UNC79: variants seen among roughly 807,000 people sequenced by gnomAD.
The protein encoded by UNC79 is protein unc-79 homolog.
In UNC79, 37 loss-of-function variants were observed where a neutral mutation model predicts 283.1. The ratio of observed to expected loss-of-function variants is 0.13; its 90% confidence interval spans 0.10 to 0.17. The LOEUF (loss-of-function observed/expected upper bound fraction) is 0.17. Ranked by LOEUF, UNC79 falls within the 10% of genes least tolerant of loss-of-function variation. The pLI is 1.00. For missense variants in UNC79, 2,272 were observed against 3,211.1 expected (o/e 0.71, Z 7.07); for synonymous variants, 1,107 against 1,200.2 (o/e 0.92, Z 1.61).
At chr14:93,558,592 G>GGTTTTTTTTTT (rs2062330921) in intron 14 of UNC79, among the ~76,000 whole-genome samples, 1 of 90,034 alleles carries the variant, frequency 1.1e-5, no homozygotes, top group African/African-American at 5.3e-5. Flanking sequence ...GAGAAACAGG[G>GGTTTTTTTTTT]ATTTTTTTTT....
intron 31 of UNC79, 145 bp downstream of exon 33, chr14:93,631,053 C>A: frequency 1.3e-6 from 1 of 750,892 alleles, no homozygotes; most frequent in Non-Finnish European, 2.2e-6. Flanking sequence ...GTTGTATATT[C>A]TCAGAGACCC....
chr14:93,602,227 C>T (rs552481882), intron 25 of UNC79, among the ~76,000 whole-genome samples: 23 of 152,224 alleles, frequency 1.5e-4, no homozygotes, highest in Middle Eastern at 6.8e-3. Context: ...AGAATTTTTA[C>T]GGTTTCAGAT....
intron 14 of UNC79, among the ~76,000 whole-genome samples, chr14:93,555,401 CT>C (rs994850178): frequency 4.6e-5 from 7 of 151,660 alleles, no homozygotes; most frequent in African/African-American, 1.7e-4. Flanking sequence ...GATTTTCTTC[CT>C]TTTTTTTAAA....
At chr14:93,606,844 C>A (rs2065923030) in intron 26 of UNC79, among the ~76,000 whole-genome samples, 1 of 152,166 alleles carries the variant, frequency 6.6e-6, no homozygotes, top group Non-Finnish European at 1.5e-5. Flanking sequence ...CTTTTCAAAT[C>A]AAAGGCTTTG....
chr14:93,622,115 G>A (rs1273153282), exon 30 of UNC79: 2 of 1,614,082 alleles, frequency 1.2e-6, no homozygotes, highest in Admixed American at 1.7e-5. Context: ...CTCAACCTCC[G>A]ACAGCGACTC....
intron 40 of UNC79, among the ~76,000 whole-genome samples, chr14:93,671,389 G>A (rs2072835528): frequency 6.6e-6 from 1 of 152,136 alleles, no homozygotes; most frequent in Admixed American, 6.6e-5. Context: ...AGCTGTTTCT[G>A]TGATATTTAT....
At position 93,659,175 on chromosome 14, in the gene UNC79, T is replaced by G. The variant is rs774118248; in HGVS notation, c.6457-18T>G. 4.5e-5 allele frequency: 72 copies of G among 1,585,302 alleles called. No homozygotes were observed. The highest frequency in any genetic ancestry group is 6.8e-5 in the African/African-American group (5 of 73,800). On this transcript the variant is annotated intron_variant, in intron 38 of 48. Coordinates refer to ENST00000555664, the Ensembl canonical transcript of UNC79. The stretch of plus-strand genomic sequence containing the variant: ...AAGGTGGAAACTAATTTTTACTTTT[T>G]TTCATATTTATTCACAGTGTTCTTT...
intron 1 of UNC79, among the ~76,000 whole-genome samples, chr14:93,349,546 C>T (rs11626995): frequency 0.16 from 24,431 of 152,070 alleles, 2,140 homozygotes; most frequent in East Asian, 0.31. Context: ...GTTTTGATTT[C>T]CCAATAACAA....
At chr14:93,423,062 CAAAAAA>C (rs71129634) in intron 1 of UNC79, among the ~76,000 whole-genome samples, 3 of 77,302 alleles carry the variant, frequency 3.9e-5, no homozygotes, top group African/African-American at 1.1e-4. Context: ...GACTCTGTCT[CAAAAAA>C]AAAAAAAAAA....
At chr14:93,385,329 T>C (rs574313413) in intron 1 of UNC79, among the ~76,000 whole-genome samples, 90 of 152,308 alleles carry the variant, frequency 5.9e-4, no homozygotes, top group Non-Finnish European at 1.0e-3. Context: ...TTTTTTGGTG[T>C]CTTCTTTAAT....
intron 30 of UNC79, among the ~76,000 whole-genome samples, chr14:93,626,379 T>C (rs901406723): frequency 6.6e-6 from 1 of 152,202 alleles, no homozygotes; most frequent in Non-Finnish European, 1.5e-5. Flanking sequence ...TTTCCACATG[T>C]GGACACGATT....
intron 1 of UNC79, among the ~76,000 whole-genome samples, chr14:93,357,662 A>G (rs1166576210): frequency 8.2e-6 from 1 of 121,278 alleles, no homozygotes; most frequent in African/African-American, 3.0e-5. Context: ...AGTTAATACT[A>G]CTTAATAAAC....
intron 1 of UNC79, among the ~76,000 whole-genome samples, chr14:93,463,142 C>T (rs922664931): frequency 6.6e-6 from 1 of 151,906 alleles, no homozygotes; most frequent in Non-Finnish European, 1.5e-5. Flanking sequence ...GGAGGAAGAG[C>T]AGGGGAATGT....
intron 1 of UNC79, among the ~76,000 whole-genome samples, chr14:93,368,640 T>G: frequency 6.6e-6 from 1 of 152,028 alleles, no homozygotes; most frequent in East Asian, 1.9e-4. Flanking sequence ...CCAGCTAAAT[T>G]TTTGTATTTT....
chr14:93,620,336 C>T (rs539136806), intron 29 of UNC79, among the ~76,000 whole-genome samples: 8 of 152,230 alleles, frequency 5.3e-5, no homozygotes, highest in South Asian at 4.2e-4. Flanking sequence ...CTGTGTGTTG[C>T]GTGTCTCATT....
intron 1 of UNC79, among the ~76,000 whole-genome samples, chr14:93,367,741 T>C (rs2054364322): frequency 6.6e-6 from 1 of 152,224 alleles, no homozygotes; most frequent in South Asian, 2.1e-4. Flanking sequence ...AGCCCATCTA[T>C]CTTGAGCAGT....
chr14:93,653,322 C>CATATATATATAT (rs60148384), intron 35 of UNC79, among the ~76,000 whole-genome samples: 27 of 148,340 alleles, frequency 1.8e-4, no homozygotes, highest in Non-Finnish European at 3.6e-4. Flanking sequence ...TCTCTCACTG[C>CATATATATATAT]ATATATATAT....
chr14:93,642,317 C>T (rs573396484), intron 33 of UNC79, among the ~76,000 whole-genome samples: 17 of 148,820 alleles, frequency 1.1e-4, no homozygotes, highest in Middle Eastern at 7.4e-3. Flanking sequence ...CCCAGCTACT[C>T]GGGAGGCTGA....
In UNC79 at chr14:93,688,960, GT is replaced by G; in HGVS notation, c.7085+122del. 8.9e-7 allele frequency: 1 copy of G among 1,127,574 alleles called. No individual in the cohort carries two copies. Among genetic ancestry groups the G allele is most frequent in the Non-Finnish European group, 1.2e-6 (1 of 831,574 alleles). 69.8% of individuals were successfully genotyped at this position (1,127,574 alleles called of 1,614,324 possible). A position where few individuals can be genotyped will look rare whatever the true frequency, so the allele number is the denominator to read the frequency against. ...GATTTATGACAGTGGAATATACTTGGTTAGGAAGATGGAAATCAGATCCCAT... is the reference window on the plus strand; with the variant it reads ...GATTTATGACAGTGGAATATACTTGGTAGGAAGATGGAAATCAGATCCCAT... On this transcript the variant is annotated intron_variant, in intron 44 of 48. Coordinates refer to ENST00000555664, the Ensembl canonical transcript of UNC79. This position sits in a 1 kb window ranked among gnomAD's most constrained non-coding sequence, Gnocchi z 4.0.
Sources: gnomAD v4.1 joint callset for allele counts (sites outside exome capture counted in the v4.1 genomes callset) on GRCh38, gnomAD v4.1.1 for gene constraint, Gnocchi (gnomAD v3.1) non-coding constraint, MANE v1.5 for transcripts, NCBI Gene and HGNC (gene_info 2026-07-23, HGNC 2026-07-21) for gene names.